Variants in KIAA1217 observed in about 807,000 individuals in gnomAD.
KIAA1217 encodes KIAA1217, also known as sickle tail protein homolog.
In KIAA1217, 88 loss-of-function variants were observed where a neutral mutation model predicts 163.9. The observed-to-expected ratio is 0.54, with a 90% CI of 0.45 to 0.64. The LOEUF is 0.64. Among genes scored for constraint, KIAA1217 ranks in the 30% least tolerant of loss-of-function variants. KIAA1217 has a pLI of 0.00. For synonymous variants in KIAA1217, 903 were observed against 923.1 expected, an observed-to-expected ratio of 0.98 and a Z score of 0.39; for missense variants, 2,372 against 2,475.0, an observed-to-expected ratio of 0.96 and a Z score of 0.88.
At position 23,930,281 on chromosome 10, in the gene KIAA1217, G is replaced by A. The variant is rs574180920; in HGVS notation, c.-320-76944G>A. On this transcript the variant is annotated intron_variant, in intron 1 of 18. Coordinates refer to the KIAA1217 transcript ENST00000376462. The stretch of plus-strand genomic sequence containing the variant: ...ATTTATTTATGTTTCTGAAATAAGG[G>A]ATTTAAAAAATCAACCCCAGGATCT... Among the ~76,000 whole-genome samples the A allele has an allele frequency of 1.4e-3, 218 of 152,076 alleles. 3 individuals carry two copies. The highest frequency in any genetic ancestry group is 4.9e-3 in the African/African-American group (202 of 41,500).
At chr10:24,126,152 T>G (rs1159732548) in intron 2 of KIAA1217, among the ~76,000 whole-genome samples, 1 of 152,222 alleles carries the variant, frequency 6.6e-6, no homozygotes, top group African/African-American at 2.4e-5. Context: ...AAATTTATAT[T>G]AAACGTGTTG....
chr10:24,442,523 T>C (rs973683012), intron 5 of KIAA1217, among the ~76,000 whole-genome samples: 1 of 152,198 alleles, frequency 6.6e-6, no homozygotes, highest in African/African-American at 2.4e-5. Context: ...AGTGTCTTCA[T>C]ATGGAGATCA....
intron 2 of KIAA1217, among the ~76,000 whole-genome samples, chr10:24,147,832 C>CAAAAAAAAA (rs1176106711): frequency 5.3e-3 from 110 of 20,674 alleles, no homozygotes; most frequent in East Asian, 8.0e-3. Context: ...TACTCTGTCT[C>CAAAAAAAAA]AAAAAAAAAA....
chr10:24,260,781 A>G (rs1170968121), intron 2 of KIAA1217, among the ~76,000 whole-genome samples: 4 of 152,046 alleles, frequency 2.6e-5, no homozygotes, highest in Non-Finnish European at 4.4e-5. Flanking sequence ...GAGATTCAAC[A>G]TAGCCCACTA....
Position 23,860,156 on chromosome 10 carries a change from A to G in KIAA1217, c.-320-147069A>G, listed in dbSNP as rs543584569. Among the ~76,000 whole-genome samples, 4 of 152,182 alleles carry G rather than the reference A, an allele frequency of 2.6e-5. No individual in the cohort carries two copies. The East Asian group carries it at 7.7e-4, about 29-fold the overall frequency. The stretch of plus-strand genomic sequence containing the variant: ...AGCTACAGGATTGGGCCTCATGAGC[A>G]GCTCTGGGCAGGGCTCTCCTTGCCT... On this transcript the variant is annotated intron_variant, in intron 1 of 18. Coordinates refer to the KIAA1217 transcript ENST00000376462.
At chr10:24,244,646 C>T (rs1334771789) in intron 2 of KIAA1217, among the ~76,000 whole-genome samples, 1 of 150,534 alleles carries the variant, frequency 6.6e-6, no homozygotes, top group Admixed American at 6.7e-5. Flanking sequence ...CTTATTGCAA[C>T]CTCCGCCTCC....
intron 2 of KIAA1217, among the ~76,000 whole-genome samples, chr10:24,245,448 T>G (rs2131376742): frequency 6.6e-6 from 1 of 152,226 alleles, no homozygotes; most frequent in South Asian, 2.1e-4. Flanking sequence ...AGGGCTCTCT[T>G]TGGACCTACT....
chr10:24,375,307 A>G (rs544701910), intron 2 of KIAA1217, among the ~76,000 whole-genome samples: 19 of 152,324 alleles, frequency 1.2e-4, no homozygotes, highest in African/African-American at 3.8e-4. Flanking sequence ...CATTAAAGAC[A>G]GGAAACTAGA....
At chr10:24,006,904 C>T (rs1369691387) in intron 1 of KIAA1217, among the ~76,000 whole-genome samples, 1 of 152,180 alleles carries the variant, frequency 6.6e-6, no homozygotes, top group African/African-American at 2.4e-5. Flanking sequence ...ATTGGCCTCT[C>T]TTCATTTCCT....
intron 1 of KIAA1217, among the ~76,000 whole-genome samples, chr10:23,728,812 C>A (rs970790458): frequency 1.3e-5 from 2 of 152,088 alleles, no homozygotes; most frequent in African/African-American, 4.8e-5. Flanking sequence ...CAAAGATTTC[C>A]CATATCCTCC....
intron 1 of KIAA1217, among the ~76,000 whole-genome samples, chr10:23,881,694 T>C (rs1329185665): frequency 6.6e-6 from 1 of 151,982 alleles, no homozygotes; most frequent in Non-Finnish European, 1.5e-5. Flanking sequence ...ATCTACTTTA[T>C]AACCTAATCA....
chr10:24,190,147 G>A (rs556794620), intron 2 of KIAA1217, among the ~76,000 whole-genome samples: 1 of 152,230 alleles, frequency 6.6e-6, no homozygotes, highest in East Asian at 1.9e-4. Flanking sequence ...TTTGCGGCAG[G>A]CGTTTCCCCT....
intron 1 of KIAA1217, among the ~76,000 whole-genome samples, chr10:23,917,432 A>C (rs1267533026): frequency 6.6e-6 from 1 of 152,186 alleles, no homozygotes; most frequent in African/African-American, 2.4e-5. Flanking sequence ...AATACTTGGC[A>C]GCAAGCCTAG....
intron 1 of KIAA1217, among the ~76,000 whole-genome samples, chr10:23,810,667 CTA>C (rs1836972593): frequency 1.6e-5 from 2 of 126,150 alleles, no homozygotes; most frequent in South Asian, 4.8e-4. Context: ...TATAATTAAT[CTA>C]TATATAGTAT....
At chr10:23,831,634 G>T (rs1838206164) in intron 1 of KIAA1217, among the ~76,000 whole-genome samples, 1 of 152,096 alleles carries the variant, frequency 6.6e-6, no homozygotes, top group Admixed American at 6.6e-5. Context: ...GATAAAATTT[G>T]AGTAGTACAG....
intron 2 of KIAA1217, among the ~76,000 whole-genome samples, chr10:24,345,333 T>G (rs1368928088): frequency 6.6e-6 from 1 of 152,168 alleles, no homozygotes; most frequent in Non-Finnish European, 1.5e-5. Flanking sequence ...AATACGGCAA[T>G]ATTTATCTAC....
At chr10:24,146,435 A>AGCCG in intron 2 of KIAA1217, among the ~76,000 whole-genome samples, 1 of 152,250 alleles carries the variant, frequency 6.6e-6, no homozygotes, top group Non-Finnish European at 1.5e-5. Context: ...AATTGGACAC[A>AGCCG]ATTTAATTAT....
Position 24,536,912 on chromosome 10 carries a change from A to G in KIAA1217, c.3534+19A>G. Reference sequence around the variant, plus strand: ...GAAGAAGGTAACGTGGCAACTGCACATTTGCCACACGGTTGGGAGTCCTTC... The same window carrying G: ...GAAGAAGGTAACGTGGCAACTGCACGTTTGCCACACGGTTGGGAGTCCTTC... On this transcript the variant is annotated intron_variant, in intron 17 of 20. Coordinates refer to ENST00000376454, the MANE Select transcript of KIAA1217 (RefSeq NM_019590.5). The G allele has an allele frequency of 6.2e-7, 1 of 1,613,002 alleles. No homozygotes were observed. The highest frequency in any genetic ancestry group is 8.5e-7 in the Non-Finnish European group (1 of 1,179,418).
At chr10:24,380,838 T>A in intron 2 of KIAA1217, 31 bp from the exon 3 acceptor site, 1 of 1,457,148 alleles carries the variant, frequency 6.9e-7, no homozygotes. Flanking sequence ...AATAGTCTAT[T>A]TTCCCACTTT....
Sources: allele counts gnomAD v4.1 joint callset (sites outside exome capture counted in the v4.1 genomes callset), GRCh38; gene constraint gnomAD v4.1.1; transcripts MANE v1.5; gene names NCBI Gene and HGNC (gene_info 2026-07-23, HGNC 2026-07-21).